Variants in DLC1 observed in about 807,000 individuals in gnomAD.
The protein encoded by DLC1 is DLC1 Rho GTPase activating protein.
In DLC1, 54 loss-of-function variants were observed where a neutral mutation model predicts 140.3. The ratio of observed to expected loss-of-function variants is 0.38; its 90% CI spans 0.31 to 0.48. The LOEUF (loss-of-function observed/expected upper bound fraction) is 0.48, where lower values mean the gene tolerates loss of function less well. Among genes scored for constraint, DLC1 ranks in the 20% least tolerant of loss-of-function variants. The pLI is 0.96. For synonymous variants in DLC1, 986 were observed against 728.1 expected (o/e 1.35, Z -5.70); for missense variants, 2,536 against 1,907.0 (o/e 1.33, Z -6.14).
chr8:13,568,661 C>A (rs1438069089), intron 1 of DLC1, among the ~76,000 whole-genome samples: 2 of 152,132 alleles, frequency 1.3e-5, no homozygotes, highest in Admixed American at 6.5e-5. Context: ...GAAAAATAAA[C>A]CTGCAGAAAA....
chr8:13,142,791 T>C (rs1256035953), intron 5 of DLC1, among the ~76,000 whole-genome samples: 2 of 152,210 alleles, frequency 1.3e-5, no homozygotes, highest in Non-Finnish European at 2.9e-5. Flanking sequence ...GGCTCACGCC[T>C]GTAATCCCAG....
intron 5 of DLC1, among the ~76,000 whole-genome samples, chr8:13,217,250 C>A (rs1828247919): frequency 6.6e-6 from 1 of 152,116 alleles, no homozygotes. Context: ...TAATACAAGA[C>A]ACATTAAAAG....
chr8:13,393,530 C>T (rs771781940), intron 4 of DLC1, 23 bp downstream of exon 4: 2 of 1,607,648 alleles, frequency 1.2e-6, no homozygotes, highest in East Asian at 2.2e-5. Flanking sequence ...CGTAGAGACT[C>T]TCTGTTATTA....
intron 5 of DLC1, among the ~76,000 whole-genome samples, chr8:13,126,236 G>C (rs563509776): frequency 6.6e-6 from 1 of 150,942 alleles, no homozygotes; most frequent in African/African-American, 2.4e-5. Flanking sequence ...CCAGCAAAAA[G>C]AGGTCAAACT....
At chr8:13,357,891 A>C (rs1158483965) in intron 4 of DLC1, among the ~76,000 whole-genome samples, 1 of 152,222 alleles carries the variant, frequency 6.6e-6, no homozygotes, top group Non-Finnish European at 1.5e-5. Context: ...AAATTAGAAG[A>C]GAGCCTCTTG....
At chr8:13,417,425 G>C (rs1364990198) in intron 2 of DLC1, among the ~76,000 whole-genome samples, 1 of 138,434 alleles carries the variant, frequency 7.2e-6, no homozygotes, top group Admixed American at 8.5e-5. Context: ...TGTTCTCACT[G>C]TTCAATTCCC....
chr8:13,128,580 C>G (rs1585713100), intron 5 of DLC1, among the ~76,000 whole-genome samples: 1 of 152,194 alleles, frequency 6.6e-6, no homozygotes, highest in Non-Finnish European at 1.5e-5. Flanking sequence ...CGCCTGTAAT[C>G]CCAGCACTTT....
intron 5 of DLC1, among the ~76,000 whole-genome samples, chr8:13,289,436 C>G (rs1291889280): frequency 6.6e-6 from 1 of 152,156 alleles, no homozygotes; most frequent in Non-Finnish European, 1.5e-5. Context: ...AAGTGATCCT[C>G]CTACCTCAGC....
At chr8:13,276,164 A>ATCAT in intron 5 of DLC1, 1 of 1,457,806 alleles carries the variant, frequency 6.9e-7, no homozygotes, top group Non-Finnish European at 9.1e-7. Context: ...AGCTGATGAG[A>ATCAT]TCATTCATGA....
At chr8:13,093,069 C>G (rs1251088870) in intron 12 of DLC1, among the ~76,000 whole-genome samples, 16 of 152,100 alleles carry the variant, frequency 1.1e-4, no homozygotes, top group Non-Finnish European at 2.1e-4. Context: ...CCCAAACACT[C>G]TTAAATCCAC....
chr8:13,410,726 A>G (rs776483934), intron 2 of DLC1, among the ~76,000 whole-genome samples: 3 of 152,122 alleles, frequency 2.0e-5, no homozygotes, highest in Non-Finnish European at 4.4e-5. Flanking sequence ...TGCTCTGGAG[A>G]GGAAAGTTCC....
At chr8:13,098,661 G>C in intron 9 of DLC1, 86 bp from the exon 10 acceptor site, 1 of 1,407,340 alleles carries the variant, frequency 7.1e-7, no homozygotes, top group Non-Finnish European at 9.5e-7. Context: ...TGTTGCCCAG[G>C]CTGGAGTGCA....
chr8:13,593,152 G>A (rs10503459), intron 1 of DLC1, among the ~76,000 whole-genome samples: 1 of 152,026 alleles, frequency 6.6e-6, no homozygotes, highest in African/African-American at 2.4e-5. Flanking sequence ...ATTTTAATAA[G>A]AGCCATCACC....
At chr8:13,277,929 A>G (rs375793889) in intron 5 of DLC1, among the ~76,000 whole-genome samples, 59 of 152,314 alleles carry the variant, frequency 3.9e-4, no homozygotes, top group African/African-American at 1.3e-3. Context: ...AATTTCTACA[A>G]CACGCATTAT....
At chr8:13,225,332 C>T (rs1305650655) in intron 5 of DLC1, among the ~76,000 whole-genome samples, 1 of 152,136 alleles carries the variant, frequency 6.6e-6, no homozygotes, top group Non-Finnish European at 1.5e-5. Context: ...TTGAAGATTT[C>T]CCAGTTAAGT....
upstream of DLC1, among the ~76,000 whole-genome samples, chr8:13,516,175 G>GT (rs138833866): frequency 0.016 from 2,431 of 152,056 alleles, 68 homozygotes; most frequent in African/African-American, 0.054. Context: ...TTTGGGGGGG[G>GT]ACTGATGATC....
intron 5 of DLC1, among the ~76,000 whole-genome samples, chr8:13,242,822 T>A (rs1392836062): frequency 6.6e-6 from 1 of 152,026 alleles, no homozygotes; most frequent in Non-Finnish European, 1.5e-5. Context: ...TTATGGAAAA[T>A]ATTACTTTAA....
chr8:13,438,858 A>C (rs913632285), intron 2 of DLC1, among the ~76,000 whole-genome samples: 17 of 152,174 alleles, frequency 1.1e-4, no homozygotes, highest in African/African-American at 4.1e-4. Context: ...TATCCTTTGC[A>C]AACCAGGGGT....
At chr8:13,408,611 A>G (rs566368950) in intron 2 of DLC1, among the ~76,000 whole-genome samples, 1 of 152,272 alleles carries the variant, frequency 6.6e-6, no homozygotes, top group African/African-American at 2.4e-5. Context: ...GGACTGGGAT[A>G]TAATTTCTAC....
Sources: gnomAD v4.1 joint callset for allele counts (sites outside exome capture counted in the v4.1 genomes callset) on GRCh38, gnomAD v4.1.1 for gene constraint, MANE v1.5 for transcripts, NCBI Gene and HGNC (gene_info 2026-07-23, HGNC 2026-07-21) for gene names.